TMPRSS11E: variants seen among roughly 807,000 people sequenced by gnomAD.
The protein encoded by TMPRSS11E is transmembrane protease serine 11E.
Under a neutral mutation model 48.1 loss-of-function variants are expected in TMPRSS11E, and 38 were observed. The ratio of observed to expected loss-of-function variants is 0.79; its 90% CI spans 0.61 to 1.04. The LOEUF (loss-of-function observed/expected upper bound fraction) is 1.04. TMPRSS11E is among the 50% of genes least tolerant of loss of function. The pLI is 0.00. For synonymous variants in TMPRSS11E, 158 were observed against 171.9 expected (o/e 0.92, Z 0.63); for missense variants, 530 against 510.8 (o/e 1.04, Z -0.36).
chr4:68,490,933 A>AT (rs1729702678), intron 9 of TMPRSS11E, among the ~76,000 whole-genome samples: 1 of 151,314 alleles, frequency 6.6e-6, no homozygotes, highest in South Asian at 2.1e-4. Context: ...TAATTTTTGT[A>AT]TTTTTAGTAG....
intron 1 of TMPRSS11E, among the ~76,000 whole-genome samples, chr4:68,454,872 T>C (rs944144006): frequency 6.6e-6 from 1 of 151,928 alleles, no homozygotes; most frequent in Non-Finnish European, 1.5e-5. Flanking sequence ...CTGTGATATT[T>C]TGATGCTTGT....
chr4:68,447,479 C>T lies in TMPRSS11E; in HGVS notation c.-34C>T, dbSNP rs772093439. Reference sequence around the variant, plus strand: ...GATTCACACACTTGGATGTAGACCTCGACCTTCACAGGACTCTTCATTGCT... The same window carrying T: ...GATTCACACACTTGGATGTAGACCTTGACCTTCACAGGACTCTTCATTGCT... On this transcript the variant is annotated 5_prime_UTR_variant, in exon 1 of 10. Coordinates refer to ENST00000305363, the MANE Select transcript of TMPRSS11E (RefSeq NM_014058.4). 1.3e-5 allele frequency: 21 copies of T among 1,605,716 alleles called. No individual in the cohort carries two copies. The highest frequency in any genetic ancestry group is 1.7e-5 in the Admixed American group (1 of 58,804).
At chr4:68,450,479 C>T (rs888664522) in intron 1 of TMPRSS11E, among the ~76,000 whole-genome samples, 1 of 151,618 alleles carries the variant, frequency 6.6e-6, no homozygotes, top group Non-Finnish European at 1.5e-5. Flanking sequence ...TATTGTCTAC[C>T]ATGTGTAGGA....
At chr4:68,476,549 G>A (rs2708698) in intron 7 of TMPRSS11E, 111 bp downstream of exon 7, 1,147,572 of 1,168,816 alleles carry the variant, frequency 0.98, 564,813 homozygotes, top group Non-Finnish European at 1. Flanking sequence ...ATTAAAAATA[G>A]TGTGTATATC....
At chr4:68,478,147 A>T (rs898492168) in intron 8 of TMPRSS11E, among the ~76,000 whole-genome samples, 4 of 90,538 alleles carry the variant, frequency 4.4e-5, no homozygotes, top group Admixed American at 2.2e-4. Flanking sequence ...CTGTATCACT[A>T]TCTTTTTTTT....
At chr4:68,453,573 C>T (rs560387701) in intron 1 of TMPRSS11E, among the ~76,000 whole-genome samples, 8 of 152,012 alleles carry the variant, frequency 5.3e-5, no homozygotes, top group Non-Finnish European at 1.2e-4. Flanking sequence ...AGTTTACCAT[C>T]TTTCACATAT....
chr4:68,448,704 A>G (rs1213390376), intron 1 of TMPRSS11E, among the ~76,000 whole-genome samples: 3 of 151,854 alleles, frequency 2.0e-5, no homozygotes, highest in Non-Finnish European at 4.4e-5. Flanking sequence ...GACTATTTTT[A>G]AAAATCCTGC....
At chr4:68,493,759 AT>A (rs1729795039) in intron 9 of TMPRSS11E, among the ~76,000 whole-genome samples, 1 of 152,130 alleles carries the variant, frequency 6.6e-6, no homozygotes, top group Non-Finnish European at 1.5e-5. Context: ...AGGTGCTGGG[AT>A]TACAGGTGTA....
Position 68,476,340 on chromosome 4 carries a change from G to A in TMPRSS11E, c.609G>A (p.Trp203Ter). Residue 203 changes from tryptophan to a stop codon, truncating the protein, a stop_gained, in exon 7 of 10, where the codon TGG (tryptophan) becomes TGA (stop). Transcript: ENST00000305363. LOFTEE classifies it high-confidence loss of function. ...VGGTEVEEGE[W>*]PWQASLQWDG... ...GGACAGAAGTAGAAGAGGGTGAATGGCCCTGGCAGGCTAGCCTGCAGTGGG... is the reference window on the plus strand; with the variant it reads ...GGACAGAAGTAGAAGAGGGTGAATGACCCTGGCAGGCTAGCCTGCAGTGGG... The A allele has an allele frequency of 1.2e-6, 2 of 1,614,194 alleles. No homozygotes were observed. The highest frequency in any genetic ancestry group is 2.2e-5 in the East Asian group (1 of 44,884).
intron 1 of TMPRSS11E, among the ~76,000 whole-genome samples, chr4:68,454,195 G>A (rs1349923944): frequency 2.0e-5 from 3 of 152,036 alleles, no homozygotes; most frequent in Middle Eastern, 3.4e-3. Context: ...ATGAACATAG[G>A]CTGGTGGATA....
intron 1 of TMPRSS11E, among the ~76,000 whole-genome samples, chr4:68,451,346 G>A (rs1728491552): frequency 6.6e-6 from 1 of 151,814 alleles, no homozygotes; most frequent in Non-Finnish European, 1.5e-5. Context: ...CTAGAGAGAA[G>A]GAAGGTTTTA....
chr4:68,482,217 C>G (rs1729423463), intron 9 of TMPRSS11E, among the ~76,000 whole-genome samples: 1 of 151,986 alleles, frequency 6.6e-6, no homozygotes, highest in South Asian at 2.1e-4. Context: ...AGCTCACTCA[C>G]TATTGCAAAG....
intron 9 of TMPRSS11E, among the ~76,000 whole-genome samples, chr4:68,487,053 T>C (rs1441459074): frequency 2.6e-5 from 4 of 152,118 alleles, no homozygotes; most frequent in African/African-American, 9.7e-5. Flanking sequence ...TAGCATACAG[T>C]TGGGTCTTGC....
chr4:68,476,231 A>G (rs998173556), intron 6 of TMPRSS11E, 30 bp from the exon 7 acceptor site: 41 of 1,612,802 alleles, frequency 2.5e-5, no homozygotes, highest in Non-Finnish European at 3.3e-5. Context: ...TAATGCACCC[A>G]CCAATGCACC....
chr4:68,474,102 T>C (rs1436402806), intron 5 of TMPRSS11E, among the ~76,000 whole-genome samples: 3 of 152,100 alleles, frequency 2.0e-5, no homozygotes, highest in Non-Finnish European at 4.4e-5. Context: ...AGTGTTTGCA[T>C]AGGGTTTGAG....
intron 1 of TMPRSS11E, among the ~76,000 whole-genome samples, chr4:68,448,351 A>G (rs1164669862): frequency 1.3e-5 from 2 of 151,962 alleles, no homozygotes; most frequent in African/African-American, 4.8e-5. Context: ...CATACTTGTT[A>G]TTAGAAGTTT....
chr4:68,448,643 T>C (rs1345207496), intron 1 of TMPRSS11E, among the ~76,000 whole-genome samples: 1 of 151,850 alleles, frequency 6.6e-6, no homozygotes, highest in Non-Finnish European at 1.5e-5. Flanking sequence ...AATGTGGGAA[T>C]ACTGGAGTGA....
chr4:68,467,328 G>A (rs1479672104), intron 3 of TMPRSS11E, among the ~76,000 whole-genome samples: 3 of 152,050 alleles, frequency 2.0e-5, no homozygotes, highest in Non-Finnish European at 4.4e-5. Context: ...TCATCTTGAG[G>A]GATCAATTAA....
Position 68,490,751 on chromosome 4 carries a change from C to CTTTTTTTT in TMPRSS11E, c.1111-5873_1111-5866dup, listed in dbSNP as rs1158277585. ...GTTCATGCTTCCCACTCAGCATATT[C>CTTTTTTTT]TTTTTTTTTTTTTTTTTTTTTTTTT... On this transcript the variant is annotated intron_variant, in intron 9 of 9. Coordinates refer to ENST00000305363, the MANE Select transcript of TMPRSS11E (RefSeq NM_014058.4). Among the ~76,000 whole-genome samples, 10 of 69,326 alleles carry CTTTTTTTT rather than the reference C, an allele frequency of 1.4e-4. 2 individuals are homozygous for CTTTTTTTT. Among genetic ancestry groups the CTTTTTTTT allele is most frequent in the South Asian group, 6.8e-4 (1 of 1,466 alleles). 45.5% of individuals were successfully genotyped at this position (69,326 alleles called of 152,430 possible).
Sources: allele counts gnomAD v4.1 joint callset (sites outside exome capture counted in the v4.1 genomes callset), GRCh38; gene constraint gnomAD v4.1.1; transcripts MANE v1.5; gene names NCBI Gene and HGNC (gene_info 2026-07-23, HGNC 2026-07-21).